Variants in TENM2 observed in about 807,000 individuals in gnomAD.
TENM2 encodes teneurin transmembrane protein 2.
In TENM2, 52 loss-of-function variants were observed where a neutral mutation model predicts 245.2. The observed-to-expected ratio is 0.21, with a 90% CI of 0.17 to 0.27. TENM2 has a LOEUF of 0.27. Ranked by LOEUF, TENM2 falls within the 10% of genes least tolerant of loss-of-function variation. The pLI, the probability that TENM2 is intolerant of heterozygous loss-of-function variation, is 1.00. For missense variants in TENM2, 3,046 were observed against 3,666.8 expected, an observed-to-expected ratio of 0.83 and a Z score of 4.37; for synonymous variants, 1,363 against 1,438.9, an observed-to-expected ratio of 0.95 and a Z score of 1.19.
At chr5:167,362,436 A>G (rs1759774351) in intron 1 of TENM2, among the ~76,000 whole-genome samples, 1 of 152,262 alleles carries the variant, frequency 6.6e-6, no homozygotes, top group Non-Finnish European at 1.5e-5. Flanking sequence ...GAGGCAAAGT[A>G]TCTGCTATAC....
At chr5:168,029,686 T>A (rs990710252) in intron 5 of TENM2, among the ~76,000 whole-genome samples, 1 of 152,238 alleles carries the variant, frequency 6.6e-6, no homozygotes, top group Non-Finnish European at 1.5e-5. Context: ...CATGCCACTT[T>A]GAGCCACTGT....
At chr5:167,968,334 A>G (rs1430649975) in intron 4 of TENM2, among the ~76,000 whole-genome samples, 1 of 152,178 alleles carries the variant, frequency 6.6e-6, no homozygotes, top group Non-Finnish European at 1.5e-5. Flanking sequence ...TTATTGAATC[A>G]TTTCTTGCTC....
At chr5:167,679,664 T>C (rs951436663) in intron 2 of TENM2, among the ~76,000 whole-genome samples, 21 of 152,324 alleles carry the variant, frequency 1.4e-4, no homozygotes, top group African/African-American at 5.1e-4. Flanking sequence ...GCAGTTTTCC[T>C]GAAACATGTT....
intron 2 of TENM2, among the ~76,000 whole-genome samples, chr5:167,644,190 C>A (rs551360720): frequency 3.3e-4 from 50 of 152,232 alleles, no homozygotes; most frequent in African/African-American, 1.0e-3. Context: ...AAAAAGCTTC[C>A]AGTACACATG....
At chr5:167,523,620 C>T (rs542066752) in intron 2 of TENM2, among the ~76,000 whole-genome samples, 8 of 152,200 alleles carry the variant, frequency 5.3e-5, no homozygotes, top group South Asian at 2.1e-4. Context: ...CTATTCTATG[C>T]GCCACATTTG....
At chr5:167,441,089 AATGCCTGCATGCTCAGCC>A (rs1203394714) in intron 2 of TENM2, among the ~76,000 whole-genome samples, 7 of 152,128 alleles carry the variant, frequency 4.6e-5, no homozygotes, top group African/African-American at 1.7e-4. Context: ...CTGCGTTGAA[AATGCCTGCATGCTCAGCC>A]ATGCATAGAA....
chr5:167,386,615 A>G (rs920296400), intron 2 of TENM2, among the ~76,000 whole-genome samples: 3 of 152,092 alleles, frequency 2.0e-5, no homozygotes, highest in African/African-American at 7.2e-5. Context: ...GATTTTTCCA[A>G]TGTCATCTTC....
intron 5 of TENM2, among the ~76,000 whole-genome samples, chr5:168,033,582 G>C (rs1787320864): frequency 6.6e-6 from 1 of 152,090 alleles, no homozygotes; most frequent in Non-Finnish European, 1.5e-5. Context: ...TAGTTTTTTA[G>C]ACAGAAGTTT....
At chr5:168,072,128 G>A (rs1791063724) in intron 7 of TENM2, among the ~76,000 whole-genome samples, 1 of 152,190 alleles carries the variant, frequency 6.6e-6, no homozygotes, top group Non-Finnish European at 1.5e-5. Flanking sequence ...GATCTTGGGA[G>A]GACAAGGAGC....
At chr5:167,192,354 T>G in the TENM2 span, among the ~76,000 whole-genome samples, 188 of 152,166 alleles carry the variant, frequency 1.2e-3, no homozygotes, top group African/African-American at 4.4e-3. Context: ...ATTCCTTAAA[T>G]GCTCACAGCT....
intron 2 of TENM2, among the ~76,000 whole-genome samples, chr5:167,608,202 C>T (rs1029797622): frequency 6.6e-6 from 1 of 152,100 alleles, no homozygotes; most frequent in Non-Finnish European, 1.5e-5. Flanking sequence ...AAACAAAGCC[C>T]ACTGGGTGCA....
intron 9 of TENM2, among the ~76,000 whole-genome samples, chr5:168,103,618 G>A (rs544540166): frequency 6.6e-6 from 1 of 152,224 alleles, no homozygotes; most frequent in South Asian, 2.1e-4. Flanking sequence ...TTTTTAGCAA[G>A]ATGCTATGCC....
intron 25 of TENM2, among the ~76,000 whole-genome samples, chr5:168,243,958 A>T (rs12514624): frequency 0.5 from 67,449 of 133,860 alleles, 16,268 homozygotes; most frequent in South Asian, 0.57. Flanking sequence ...TTTTTTTTTT[A>T]AGATAGAGTC....
At chr5:167,213,184 G>T in the TENM2 span, among the ~76,000 whole-genome samples, 760 of 152,286 alleles carry the variant, frequency 5.0e-3, 6 homozygotes, top group African/African-American at 0.018. Context: ...CTATGCCTCT[G>T]TAATGTTCAC....
At chr5:167,071,099 C>A in the TENM2 span, among the ~76,000 whole-genome samples, 1 of 152,114 alleles carries the variant, frequency 6.6e-6, no homozygotes, top group Non-Finnish European at 1.5e-5. Flanking sequence ...CACGCAAGCC[C>A]TGTGTGCTTC....
intron 2 of TENM2, among the ~76,000 whole-genome samples, chr5:167,689,796 C>T (rs1204699822): frequency 6.6e-6 from 1 of 152,032 alleles, no homozygotes; most frequent in African/African-American, 2.4e-5. Flanking sequence ...GAGTCTCGCT[C>T]TGTCTCCCAG....
chr5:168,035,584 A>G (rs933584359), intron 5 of TENM2, among the ~76,000 whole-genome samples: 1 of 152,098 alleles, frequency 6.6e-6, no homozygotes, highest in Admixed American at 6.5e-5. Flanking sequence ...AATGACATTC[A>G]CAGTAGAGAA....
intron 2 of TENM2, among the ~76,000 whole-genome samples, chr5:167,647,997 T>C (rs535988258): frequency 3.0e-4 from 46 of 152,284 alleles, no homozygotes; most frequent in African/African-American, 1.1e-3. Flanking sequence ...ATTTTCTCTG[T>C]CCAAAAAGCA....
intron 1 of TENM2, among the ~76,000 whole-genome samples, chr5:167,350,614 G>GAT (rs199720296): frequency 1.3e-4 from 17 of 128,268 alleles, no homozygotes; most frequent in African/African-American, 4.0e-4. Flanking sequence ...ATATATATGG[G>GAT]ATACATATGT....
Sources: gnomAD v4.1 joint callset for allele counts (sites outside exome capture counted in the v4.1 genomes callset) on GRCh38, gnomAD v4.1.1 for gene constraint, MANE v1.5 for transcripts, NCBI Gene and HGNC (gene_info 2026-07-23, HGNC 2026-07-21) for gene names.